Variants in EML1 observed in about 807,000 individuals in gnomAD.
EML1 encodes echinoderm microtubule-associated protein-like 1.
Under a neutral mutation model 110.4 loss-of-function variants are expected in EML1, and 27 were observed. The ratio of observed to expected loss-of-function variants is 0.24; its 90% CI spans 0.18 to 0.34. The LOEUF (loss-of-function observed/expected upper bound fraction) is 0.34. Among genes scored for constraint, EML1 ranks in the 10% least tolerant of loss-of-function variants. The probability of loss-of-function intolerance (pLI) is 1.00; values close to 1 mark genes in which losing one functional copy is unlikely to be tolerated. For synonymous variants in EML1, 344 were observed against 385.8 expected, an observed-to-expected ratio of 0.89 and a Z score of 1.27; for missense variants, 741 against 1,030.9, an observed-to-expected ratio of 0.72 and a Z score of 3.85.
At position 99,907,651 on chromosome 14, in the gene EML1, A is replaced by G. The variant is rs200131195; in HGVS notation, c.1022A>G (p.Asn341Ser). 5.6e-5 allele frequency: 91 copies of G among 1,614,006 alleles called. No homozygotes were observed. The highest frequency in any genetic ancestry group is 1.3e-4 in the South Asian group (12 of 91,074). ...IAFSKSNGGT[N>S]LCAVDDSNDH... ...CTTTCTTTTCAGAATGGAGGAACCA[A>G]TCTCTGTGCTGTGGATGACTCCAAC... Residue 341 changes from asparagine (N) to serine (S), a missense_variant, in exon 10 of 22, where the codon AAT becomes AGT. Physicochemically the swap from Asn to Ser is conservative, Grantham distance 46. This residue lies in a region of EML1 where 388 missense variants were observed against 605.6 expected (regional missense o/e 0.64). Coordinates refer to ENST00000262233, the MANE Select transcript of EML1 (RefSeq NM_004434.3).
chr14:99,898,401 T>C (rs1362178531), intron 8 of EML1, 99 bp downstream of exon 8: 1 of 1,175,170 alleles, frequency 8.5e-7, no homozygotes, highest in Non-Finnish European at 1.2e-6. Flanking sequence ...TTAGATATAA[T>C]TATGGTATCT....
intron 1 of EML1, among the ~76,000 whole-genome samples, chr14:99,794,720 C>T (rs568506545): frequency 1.6e-4 from 24 of 152,254 alleles, no homozygotes; most frequent in Middle Eastern, 6.8e-3. Context: ...TAGTAATTCC[C>T]TCTTCAGTGG....
chr14:99,890,054 C>G (rs1209741082), intron 4 of EML1, among the ~76,000 whole-genome samples: 6 of 152,030 alleles, frequency 3.9e-5, no homozygotes, highest in Non-Finnish European at 5.9e-5. Context: ...AGTTTTTATT[C>G]CTGGTGTTTT....
At chr14:99,889,025 C>G (rs1182620383) in intron 4 of EML1, among the ~76,000 whole-genome samples, 1 of 152,122 alleles carries the variant, frequency 6.6e-6, no homozygotes, top group Non-Finnish European at 1.5e-5. Flanking sequence ...TGAGAGAGAC[C>G]CACGGAGGCA....
chr14:99,842,404 C>G (rs1489447970), intron 1 of EML1, among the ~76,000 whole-genome samples: 2 of 152,174 alleles, frequency 1.3e-5, no homozygotes, highest in Non-Finnish European at 2.9e-5. Flanking sequence ...ATGCTGCTGC[C>G]AAGAAGTCTC....
upstream of EML1, among the ~76,000 whole-genome samples, chr14:99,769,133 G>C (rs769868422): frequency 6.6e-6 from 1 of 152,164 alleles, no homozygotes; most frequent in Non-Finnish European, 1.5e-5. Context: ...CCTCTACCTA[G>C]TAGGGGAACC....
intron 3 of EML1, among the ~76,000 whole-genome samples, chr14:99,877,775 T>C (rs1252049508): frequency 2.6e-5 from 4 of 152,208 alleles, no homozygotes; most frequent in Admixed American, 2.6e-4. Context: ...GGTGCTACTT[T>C]GTGGAGTGAG....
chr14:99,814,090 C>T (rs1007130098), intron 1 of EML1, among the ~76,000 whole-genome samples: 17 of 152,106 alleles, frequency 1.1e-4, no homozygotes, highest in African/African-American at 4.1e-4. Context: ...ATTGTAACTT[C>T]AAGAGTTGAC....
In EML1 at chr14:99,864,586, C is replaced by T. The variant is rs553870156; in HGVS notation, c.251-928C>T. 2.7e-3 allele frequency among the ~76,000 whole-genome samples: 410 copies of T among 151,994 alleles called. 1 individual carries two copies. The highest frequency in any genetic ancestry group is 0.01 in the Middle Eastern group (3 of 294). On this transcript the variant is annotated intron_variant, in intron 2 of 21. Coordinates refer to ENST00000262233, the MANE Select transcript of EML1 (RefSeq NM_004434.3). The stretch of plus-strand genomic sequence containing the variant: ...CCCAACACTGGGAGGCCGAGGCAGG[C>T]GGATCACCTGAGGTCAGGAGTTCGA...
intron 17 of EML1, among the ~76,000 whole-genome samples, chr14:99,927,562 A>G (rs934111184): frequency 9.9e-5 from 15 of 152,076 alleles, no homozygotes; most frequent in South Asian, 6.2e-4. Context: ...TTGATTTCCA[A>G]TGTTAGCTTT....
chr14:99,918,288 A>G (rs1489581334), intron 16 of EML1, among the ~76,000 whole-genome samples: 1 of 152,260 alleles, frequency 6.6e-6, no homozygotes. Context: ...GTAGAGACGC[A>G]GGTCTCACTG....
intron 4 of EML1, among the ~76,000 whole-genome samples, chr14:99,882,289 T>C (rs74084605): frequency 0.033 from 4,962 of 152,286 alleles, 280 homozygotes; most frequent in African/African-American, 0.11. Context: ...ATTAAAAAAG[T>C]ATTTTATACC....
intron 1 of EML1, among the ~76,000 whole-genome samples, chr14:99,795,581 G>A (rs2057755788): frequency 6.6e-6 from 1 of 152,108 alleles, no homozygotes; most frequent in African/African-American, 2.4e-5. Flanking sequence ...ATTTTAAGAG[G>A]CTTTCATTAA....
intron 1 of EML1, among the ~76,000 whole-genome samples, chr14:99,764,118 G>A (rs1056518206): frequency 5.3e-5 from 8 of 152,146 alleles, no homozygotes; most frequent in African/African-American, 1.4e-4. Flanking sequence ...TCAGGCCACC[G>A]CTGACTTGCT....
intron 1 of EML1, among the ~76,000 whole-genome samples, chr14:99,828,844 G>A (rs2058402689): frequency 1.3e-5 from 2 of 152,190 alleles, no homozygotes; most frequent in African/African-American, 2.4e-5. Flanking sequence ...AAGAGAAAAT[G>A]TATTTACTAT....
chr14:99,855,615 A>G (rs1200083241), intron 2 of EML1, among the ~76,000 whole-genome samples: 1 of 152,234 alleles, frequency 6.6e-6, no homozygotes, highest in African/African-American at 2.4e-5. Context: ...TGAGTAGCTC[A>G]TATTTCCCAT....
chr14:99,830,477 A>G (rs1057360344), intron 1 of EML1, among the ~76,000 whole-genome samples: 9 of 152,084 alleles, frequency 5.9e-5, no homozygotes, highest in African/African-American at 2.2e-4. Flanking sequence ...ATGTTATTTT[A>G]ATCATCGTTT....
At chr14:99,780,825 T>A (rs902343083) in intron 1 of EML1, among the ~76,000 whole-genome samples, 2 of 152,214 alleles carry the variant, frequency 1.3e-5, no homozygotes, top group Non-Finnish European at 2.9e-5. Flanking sequence ...CTAGGAGCAA[T>A]GGGCTGTACC....
chr14:99,891,264 C>T (rs758469320), intron 5 of EML1, 37 bp downstream of exon 5: 2 of 1,613,178 alleles, frequency 1.2e-6, no homozygotes, highest in Non-Finnish European at 1.7e-6. Flanking sequence ...GAACCCCTCA[C>T]TCACTCTCTC....
Sources: gnomAD v4.1 joint callset for allele counts (sites outside exome capture counted in the v4.1 genomes callset) on GRCh38, gnomAD v4.1.1 for gene constraint, gnomAD v4.1.1 regional missense constraint, MANE v1.5 for transcripts, NCBI Gene and HGNC (gene_info 2026-07-23, HGNC 2026-07-21) for gene names.